Variants in ANKRD36 observed in about 807,000 individuals in gnomAD.
The protein encoded by ANKRD36 is ankyrin repeat domain-containing protein 36A.
Under a neutral mutation model 278.1 loss-of-function variants are expected in ANKRD36, and 179 were observed. The observed-to-expected ratio is 0.64, with a 90% CI of 0.57 to 0.73. The LOEUF is 0.73. Among genes scored for constraint, ANKRD36 ranks in the 30% least tolerant of loss-of-function variants. The pLI is 0.00. For missense variants in ANKRD36, 1,159 were observed against 1,956.7 expected, an observed-to-expected ratio of 0.59 and a Z score of 7.69; for synonymous variants, 320 against 641.1, an observed-to-expected ratio of 0.50 and a Z score of 7.57.
At chr2:97,177,273 A>G (rs1314169674) in intron 22 of ANKRD36, among the ~76,000 whole-genome samples, 1 of 151,856 alleles carries the variant, frequency 6.6e-6, no homozygotes, top group African/African-American at 2.4e-5. Flanking sequence ...TACAGATTCA[A>G]TGCCATCCCC....
At chr2:97,174,713 A>C (rs2053716250) in intron 22 of ANKRD36, among the ~76,000 whole-genome samples, 1 of 151,846 alleles carries the variant, frequency 6.6e-6, no homozygotes. Flanking sequence ...CAGTTTTCAA[A>C]GGGAATGCTT....
chr2:97,186,352 A>G (rs1161988538), intron 30 of ANKRD36, among the ~76,000 whole-genome samples: 1 of 150,834 alleles, frequency 6.6e-6, no homozygotes, highest in African/African-American at 2.4e-5. Context: ...TTTAAAAACA[A>G]ATATAATGTT....
Position 97,219,343 on chromosome 2 carries a change from A to G in ANKRD36, c.3877+97A>G, listed in dbSNP as rs1333140573. 1.1e-5 allele frequency: 15 copies of G among 1,334,328 alleles called. 1 individual carries two copies. In the East Asian group the frequency reaches 1.6e-4, roughly 14 times the overall value. 82.7% of individuals were successfully genotyped at this position (1,334,328 alleles called of 1,614,324 possible). A position where few individuals can be genotyped will look rare whatever the true frequency, so the allele number is the denominator to read the frequency against. The stretch of plus-strand genomic sequence containing the variant: ...TATTCTCAATTATTTCACTTTTTAT[A>G]TTTTATTTCAGGATTTCATCTAAAT... On this transcript the variant is annotated intron_variant, in intron 66 of 75. Transcript: ENST00000420699.
intron 32 of ANKRD36, 120 bp downstream of exon 32, chr2:97,187,521 A>T: frequency 7.3e-7 from 1 of 1,368,774 alleles, no homozygotes; most frequent in Non-Finnish European, 9.9e-7. Flanking sequence ...ATTCTGATCC[A>T]GCAGGTCTGA....
In ANKRD36 at chr2:97,152,138, G is replaced by A. The variant is rs139666281; in HGVS notation, c.1162+199G>A. On this transcript the variant is annotated intron_variant, in intron 13 of 75. Coordinates refer to ENST00000420699, the MANE Select transcript of ANKRD36 (RefSeq NM_001354587.1). ...CTCCCGAGTAGCTGGGATTACAGGCGTGCACCACCACACCTGGCTAATTTT... is the reference window on the plus strand; with the variant it reads ...CTCCCGAGTAGCTGGGATTACAGGCATGCACCACCACACCTGGCTAATTTT... Among the ~76,000 whole-genome samples, 289 of 134,454 alleles carry A rather than the reference G, an allele frequency of 2.1e-3. 4 individuals carry two copies. The highest frequency in any genetic ancestry group is 6.7e-3 in the African/African-American group (270 of 40,430). The allele number at this position is 134,454 out of a possible 152,430, so 88.2% of individuals were successfully genotyped here. A position where few individuals can be genotyped will look rare whatever the true frequency, so the allele number is the denominator to read the frequency against.
chr2:97,204,201 A>G lies in ANKRD36; in HGVS notation c.2999A>G (p.Asp1000Gly), dbSNP rs536841209. ...EKPPGLKATS[D>G]EKDSVLNIAR... The stretch of plus-strand genomic sequence containing the variant: ...TCAAATTCCATTCAGGCTACAAGTG[A>G]TGAGAAAGATTCTGTTTTGAATATA... The change falls in exon 50 of 76, where the codon GAT becomes GGT. Residue 1000 changes from aspartate to glycine, a missense_variant. Coordinates refer to ENST00000420699, the MANE Select transcript of ANKRD36 (RefSeq NM_001354587.1). 6.3e-7 allele frequency: 1 copy of G among 1,584,296 alleles called. No individual in the cohort carries two copies.
At chr2:97,192,179 A>T (rs756619788) in intron 36 of ANKRD36, among the ~76,000 whole-genome samples, 1 of 151,718 alleles carries the variant, frequency 6.6e-6, no homozygotes, top group African/African-American at 2.4e-5. Flanking sequence ...TATTGTGGCT[A>T]ATATATTATC....
chr2:97,143,777 T>C (rs2043521212), intron 8 of ANKRD36, among the ~76,000 whole-genome samples: 1 of 152,260 alleles, frequency 6.6e-6, no homozygotes, highest in Non-Finnish European at 1.5e-5. Flanking sequence ...ATGATTTCAG[T>C]AACTTTATTT....
intron 67 of ANKRD36, among the ~76,000 whole-genome samples, chr2:97,233,087 G>A (rs571572381): frequency 4.8e-3 from 729 of 151,584 alleles, no homozygotes; most frequent in African/African-American, 0.016. Flanking sequence ...TCCAGAAGCC[G>A]TTATGTGACA....
intron 64 of ANKRD36, among the ~76,000 whole-genome samples, chr2:97,218,337 TA>T (rs2066493930): frequency 7.0e-6 from 1 of 143,870 alleles, no homozygotes; most frequent in South Asian, 2.6e-4. Flanking sequence ...CCATTTTGTA[TA>T]AATATGTATA....
intron 32 of ANKRD36, among the ~76,000 whole-genome samples, chr2:97,188,676 G>C (rs1398271865): frequency 3.3e-5 from 3 of 90,402 alleles, no homozygotes; most frequent in African/African-American, 5.2e-5. Flanking sequence ...ATGAATGTTT[G>C]TAGTACAATG....
intron 46 of ANKRD36, 53 bp downstream of exon 46, chr2:97,200,578 C>T: frequency 6.5e-7 from 1 of 1,536,722 alleles, no homozygotes; most frequent in Non-Finnish European, 8.7e-7. Context: ...AAGAAGTTCT[C>T]TTCCCCGAAT....
chr2:97,203,607 A>T (rs2061992841), intron 48 of ANKRD36, among the ~76,000 whole-genome samples: 1 of 151,834 alleles, frequency 6.6e-6, no homozygotes. Flanking sequence ...TGTCATGGTA[A>T]TTGTGTGCCT....
chr2:97,200,492 A>C lies in ANKRD36; in HGVS notation c.2824A>C (p.Arg942=). 6.3e-7 allele frequency: 1 copy of C among 1,577,636 alleles called. No individual in the cohort carries two copies. The highest frequency in any genetic ancestry group is 1.2e-5 in the South Asian group (1 of 86,630). The change falls in exon 46 of 76, where the codon AGA becomes CGA. Residue 942 remains arginine, a synonymous_variant. Coordinates refer to ENST00000420699, the MANE Select transcript of ANKRD36 (RefSeq NM_001354587.1). ...GAAGGATTCTTTTTCGAATATAACC[A>C]GAGAAAAAAAGGATGGAGAAATATC... ...DEKDSFSNIT[R]EKKDGEISRK... is the part of the protein sequence containing the mutation.
At chr2:97,226,410 G>A (rs1428487439) in intron 67 of ANKRD36, among the ~76,000 whole-genome samples, 1 of 151,072 alleles carries the variant, frequency 6.6e-6, no homozygotes, top group Non-Finnish European at 1.5e-5. Flanking sequence ...TTTTTTGGCT[G>A]CATAAATGTC....
intron 52 of ANKRD36, among the ~76,000 whole-genome samples, chr2:97,206,512 A>G (rs2062887611): frequency 6.6e-6 from 1 of 151,346 alleles, no homozygotes; most frequent in Admixed American, 6.6e-5. Flanking sequence ...CAGACAGAAA[A>G]CTTGTTGTAA....
intron 64 of ANKRD36, among the ~76,000 whole-genome samples, chr2:97,218,262 T>C (rs2066476248): frequency 6.7e-6 from 1 of 150,356 alleles, no homozygotes; most frequent in Admixed American, 6.7e-5. Context: ...AGTGATTATT[T>C]TCAATGAATA....
chr2:97,136,863 G>A lies in ANKRD36; in HGVS notation c.800-5777G>A, dbSNP rs1345308012. On this transcript the variant is annotated intron_variant, in intron 6 of 75. Coordinates refer to ENST00000420699, the MANE Select transcript of ANKRD36 (RefSeq NM_001354587.1). The stretch of plus-strand genomic sequence containing the variant: ...ATGCCATTTTCTGTCAGTGTGATAG[G>A]ATTCTGTTAGAATTATGACTATTTT... Among the ~76,000 whole-genome samples, 6 of 152,094 alleles carry A rather than the reference G, an allele frequency of 3.9e-5. No homozygotes were observed. In the East Asian group the frequency reaches 1.2e-3, roughly 29 times the overall value.
chr2:97,135,370 A>G (rs1243287723), intron 6 of ANKRD36, among the ~76,000 whole-genome samples: 1 of 151,928 alleles, frequency 6.6e-6, no homozygotes, highest in African/African-American at 2.4e-5. Context: ...TAATGCATAA[A>G]TTAGGCACAA....
Sources: allele counts gnomAD v4.1 joint callset (sites outside exome capture counted in the v4.1 genomes callset), GRCh38; gene constraint gnomAD v4.1.1; transcripts MANE v1.5; gene names NCBI Gene and HGNC (gene_info 2026-07-23, HGNC 2026-07-21).